ZFPM2: variants seen among roughly 807,000 people sequenced by gnomAD.
The protein encoded by ZFPM2 is zinc finger protein ZFPM2.
Under a neutral mutation model 98.6 loss-of-function variants are expected in ZFPM2, and 20 were observed. That is an observed-to-expected ratio of 0.20 (90% CI 0.14 to 0.29). ZFPM2 has a LOEUF of 0.29. Ranked by LOEUF, ZFPM2 falls within the 10% of genes least tolerant of loss-of-function variation. ZFPM2 has a pLI of 1.00. For missense variants in ZFPM2, 1,310 were observed against 1,388.6 expected, an observed-to-expected ratio of 0.94 and a Z score of 0.90; for synonymous variants, 518 against 502.7, an observed-to-expected ratio of 1.03 and a Z score of -0.41.
intron 3 of ZFPM2, among the ~76,000 whole-genome samples, chr8:105,450,587 T>C (rs1276853651): frequency 1.3e-5 from 2 of 152,090 alleles, no homozygotes; most frequent in African/African-American, 2.4e-5. Flanking sequence ...ATTTCAATCT[T>C]TGGAAGGAAA....
At chr8:105,761,529 C>T (rs1488769516) in intron 5 of ZFPM2, among the ~76,000 whole-genome samples, 2 of 151,762 alleles carry the variant, frequency 1.3e-5, no homozygotes, top group African/African-American at 4.8e-5. Context: ...TTTTTAAGTA[C>T]ATAGACTATG....
chr8:105,433,034 A>G (rs1812050273), intron 2 of ZFPM2, among the ~76,000 whole-genome samples: 1 of 152,140 alleles, frequency 6.6e-6, no homozygotes, highest in Admixed American at 6.5e-5. Context: ...CAGGAGTTCA[A>G]GGTTACAGTG....
At chr8:105,721,480 A>G (rs1190669291) in intron 5 of ZFPM2, among the ~76,000 whole-genome samples, 1 of 151,948 alleles carries the variant, frequency 6.6e-6, no homozygotes, top group African/African-American at 2.4e-5. Flanking sequence ...TTTTCTATGT[A>G]ATGACAACAG....
Position 105,729,737 on chromosome 8 carries a change from C to T in ZFPM2, c.533-58981C>T, listed in dbSNP as rs1811888453. Among the ~76,000 whole-genome samples the T allele has an allele frequency of 2.0e-5, 3 of 151,574 alleles. No individual in the cohort carries two copies. In the Admixed American group the frequency reaches 2.0e-4, roughly 10 times the overall value. On this transcript the variant is annotated intron_variant, in intron 5 of 7. Transcript: ENST00000407775. ...GTTCATTGTCATAGAGGAAGTTCCTCTTATTAGGCAACCTCATTTCCTCTT... is the reference window on the plus strand; with the variant it reads ...GTTCATTGTCATAGAGGAAGTTCCTTTTATTAGGCAACCTCATTTCCTCTT...
At chr8:105,383,221 A>C (rs139695193) in intron 1 of ZFPM2, among the ~76,000 whole-genome samples, 1 of 152,254 alleles carries the variant, frequency 6.6e-6, no homozygotes, top group Non-Finnish European at 1.5e-5. Flanking sequence ...GTTAATAAAC[A>C]TATTAGCATA....
chr8:105,406,006 T>G (rs1241781179), intron 1 of ZFPM2, among the ~76,000 whole-genome samples: 1 of 152,198 alleles, frequency 6.6e-6, no homozygotes, highest in Non-Finnish European at 1.5e-5. Flanking sequence ...ATTGTGGTTT[T>G]GATTTGCATT....
chr8:105,738,170 C>T (rs1345525847), intron 5 of ZFPM2, among the ~76,000 whole-genome samples: 3 of 151,936 alleles, frequency 2.0e-5, no homozygotes, highest in Non-Finnish European at 2.9e-5. Context: ...TTCCCTCCTC[C>T]CACCCTCAAT....
intron 3 of ZFPM2, among the ~76,000 whole-genome samples, chr8:105,524,575 A>G (rs1461864015): frequency 6.6e-6 from 1 of 152,024 alleles, no homozygotes; most frequent in Non-Finnish European, 1.5e-5. Context: ...TGAGCAAGGT[A>G]CCCTTTCTTT....
At chr8:105,379,326 A>C (rs568045211) in intron 1 of ZFPM2, among the ~76,000 whole-genome samples, 1 of 152,358 alleles carries the variant, frequency 6.6e-6, no homozygotes, top group East Asian at 1.9e-4. Flanking sequence ...AACAATTAAA[A>C]AAAACTTCAT....
intron 3 of ZFPM2, among the ~76,000 whole-genome samples, chr8:105,530,959 T>A (rs1814285171): frequency 6.6e-6 from 1 of 152,186 alleles, no homozygotes; most frequent in African/African-American, 2.4e-5. Context: ...TATCCTATGG[T>A]TATTGCTCAA....
intron 1 of ZFPM2, among the ~76,000 whole-genome samples, chr8:105,329,740 T>C (rs919179078): frequency 4.0e-5 from 6 of 151,740 alleles, no homozygotes; most frequent in African/African-American, 7.3e-5. Context: ...AGTATTCTAG[T>C]GCACAACACA....
chr8:105,408,134 G>A (rs534272995), intron 1 of ZFPM2, among the ~76,000 whole-genome samples: 1 of 152,006 alleles, frequency 6.6e-6, no homozygotes, highest in African/African-American at 2.4e-5. Flanking sequence ...GGTTGCGATT[G>A]CTTGAGCAGG....
In ZFPM2 at chr8:105,444,393, T is replaced by C. The variant is rs1586377404; in HGVS notation, c.301+12T>C. 1.9e-6 allele frequency: 3 copies of C among 1,593,866 alleles called. No individual in the cohort carries two copies. Among genetic ancestry groups the C allele is most frequent in the Non-Finnish European group, 8.6e-7 (1 of 1,167,656 alleles). On this transcript the variant is annotated intron_variant, in intron 3 of 7. Coordinates refer to ENST00000407775, the MANE Select transcript of ZFPM2 (RefSeq NM_012082.4). ...CTGGGATGGACCAGGTAGGGGAGAA[T>C]ATTTAAAATTCAACCGTCTTTAGTA...
At chr8:105,795,988 G>A (rs1202570430) in intron 6 of ZFPM2, 1 of 205,694 alleles carries the variant, frequency 4.9e-6, no homozygotes, top group Non-Finnish European at 1.0e-5. Flanking sequence ...ACACAATGAT[G>A]TCTTGATATT....
chr8:105,526,538 G>T lies in ZFPM2; in HGVS notation c.302-34825G>T, dbSNP rs1814177861. On this transcript the variant is annotated intron_variant, in intron 3 of 7. Transcript: ENST00000407775. ...CAGAAACTACCTGACTAGCCTCTTTGATTTTTTAAATTTTATATTTGCATT... is the reference window on the plus strand; with the variant it reads ...CAGAAACTACCTGACTAGCCTCTTTTATTTTTTAAATTTTATATTTGCATT... Among the ~76,000 whole-genome samples the T allele has an allele frequency of 1.3e-5, 2 of 151,960 alleles. 1 individual carries two copies. Among genetic ancestry groups the T allele is most frequent in the South Asian group, 4.2e-4 (2 of 4,810 alleles).
In ZFPM2 at chr8:105,430,618, T is replaced by C. The variant is rs1292948466; in HGVS notation, c.199+11316T>C. ...GGGTATTATCTGTGTTTTTCTGGTG[T>C]TATCACCAGCAGCCAAGAACCTGTT... On this transcript the variant is annotated intron_variant, in intron 2 of 7. Transcript: ENST00000407775. 2.0e-5 allele frequency among the ~76,000 whole-genome samples: 3 copies of C among 152,176 alleles called. No individual in the cohort carries two copies. In the East Asian group the frequency reaches 5.8e-4, roughly 29 times the overall value.
At chr8:105,725,630 T>C (rs1213544312) in intron 5 of ZFPM2, among the ~76,000 whole-genome samples, 2 of 151,710 alleles carry the variant, frequency 1.3e-5, no homozygotes, top group South Asian at 2.1e-4. Context: ...ATTTGAGCAA[T>C]GGTCTAATTT....
intron 3 of ZFPM2, among the ~76,000 whole-genome samples, chr8:105,494,878 TATAA>T (rs2130446256): frequency 6.6e-6 from 1 of 152,348 alleles, no homozygotes; most frequent in East Asian, 1.9e-4. Flanking sequence ...TTGGTTCTTA[TATAA>T]TGAAACAGAA....
chr8:105,683,677 T>TTTA (rs1420727898), intron 5 of ZFPM2, among the ~76,000 whole-genome samples: 1 of 152,176 alleles, frequency 6.6e-6, no homozygotes, highest in African/African-American at 2.4e-5. Flanking sequence ...TTTCTTCTGA[T>TTTA]TTATTCTTCA....
Sources: gnomAD v4.1 joint callset for allele counts (sites outside exome capture counted in the v4.1 genomes callset) on GRCh38, gnomAD v4.1.1 for gene constraint, MANE v1.5 for transcripts, NCBI Gene and HGNC (gene_info 2026-07-23, HGNC 2026-07-21) for gene names.